SGCD: variants seen among roughly 807,000 people sequenced by gnomAD.
SGCD encodes the protein sarcoglycan delta, also known as delta-sarcoglycan.
Under a neutral mutation model 36.6 loss-of-function variants are expected in SGCD, and 18 were observed. The ratio of observed to expected loss-of-function variants is 0.49; its 90% CI spans 0.34 to 0.73. The LOEUF is 0.73. Ranked by LOEUF, SGCD falls within the 30% of genes least tolerant of loss-of-function variation. SGCD has a pLI of 0.01. For synonymous variants in SGCD, 133 were observed against 130.6 expected (o/e 1.02, Z -0.12); for missense variants, 387 against 346.7 (o/e 1.12, Z -0.92).
chr5:156,096,988 T>C (rs1312787156), intron 1 of SGCD, among the ~76,000 whole-genome samples: 1 of 151,952 alleles, frequency 6.6e-6, no homozygotes, highest in Non-Finnish European at 1.5e-5. Flanking sequence ...TCATAGTTGA[T>C]AGATTTTTTT....
chr5:156,117,701 A>T (rs1761939148), intron 1 of SGCD, among the ~76,000 whole-genome samples: 1 of 152,178 alleles, frequency 6.6e-6, no homozygotes, highest in Non-Finnish European at 1.5e-5. Flanking sequence ...GTTAAATAAC[A>T]TGCCCAAGGA....
At chr5:155,733,075 C>T in the SGCD span, among the ~76,000 whole-genome samples, 25 of 149,780 alleles carry the variant, frequency 1.7e-4, no homozygotes, top group African/African-American at 5.7e-4. Context: ...ACATCAAATG[C>T]TCCTTCGGTG....
chr5:156,360,538 T>C (rs1237635891), intron 3 of SGCD, among the ~76,000 whole-genome samples: 1 of 152,080 alleles, frequency 6.6e-6, no homozygotes, highest in Non-Finnish European at 1.5e-5. Context: ...CTAATTGGTT[T>C]TTTTACACTG....
At chr5:156,758,862 T>G (rs1757437802) in intron 8 of SGCD, among the ~76,000 whole-genome samples, 1 of 152,146 alleles carries the variant, frequency 6.6e-6, no homozygotes. Flanking sequence ...TCTTGAACAC[T>G]CACCTTGCAC....
chr5:156,149,878 G>A (rs1266969805), intron 3 of SGCD, among the ~76,000 whole-genome samples: 1 of 152,172 alleles, frequency 6.6e-6, no homozygotes, highest in Non-Finnish European at 1.5e-5. Flanking sequence ...TGGGCTAACG[G>A]AAATGTACTG....
chr5:156,224,249 C>T (rs1179372523), intron 3 of SGCD, among the ~76,000 whole-genome samples: 1 of 152,000 alleles, frequency 6.6e-6, no homozygotes, highest in African/African-American at 2.4e-5. Flanking sequence ...GTCCTATTCT[C>T]TCAGACCCAG....
intron 7 of SGCD, among the ~76,000 whole-genome samples, chr5:156,718,513 C>T (rs1755328414): frequency 6.6e-6 from 1 of 152,062 alleles, no homozygotes; most frequent in African/African-American, 2.4e-5. Context: ...GGCTCAGTGG[C>T]TCACACCTGT....
chr5:156,238,102 C>T (rs918936731), intron 3 of SGCD, among the ~76,000 whole-genome samples: 1 of 152,020 alleles, frequency 6.6e-6, no homozygotes, highest in South Asian at 2.1e-4. Flanking sequence ...TGCACCACCA[C>T]ACCAGGCTAA....
intron 6 of SGCD, among the ~76,000 whole-genome samples, chr5:156,646,783 A>C (rs762227741): frequency 6.6e-6 from 1 of 152,192 alleles, no homozygotes; most frequent in East Asian, 1.9e-4. Context: ...AAATCAGATA[A>C]TTGCTATCTT....
chr5:156,598,237 T>G (rs1277040046), intron 6 of SGCD, among the ~76,000 whole-genome samples: 1 of 152,180 alleles, frequency 6.6e-6, no homozygotes, highest in Non-Finnish European at 1.5e-5. Flanking sequence ...GACTTCGAGC[T>G]ATCCTCATGT....
At chr5:155,905,069 G>T (rs1301880926) in intron 1 of SGCD, among the ~76,000 whole-genome samples, 1 of 152,152 alleles carries the variant, frequency 6.6e-6, no homozygotes, top group East Asian at 1.9e-4. Flanking sequence ...TTCTTGAAGG[G>T]TTGTTGCCCT....
chr5:156,295,857 T>C (rs1766878856), intron 3 of SGCD, among the ~76,000 whole-genome samples: 1 of 152,126 alleles, frequency 6.6e-6, no homozygotes, highest in African/African-American at 2.4e-5. Context: ...GATGTGTCAG[T>C]CAGGTGACAA....
At chr5:155,729,722 G>C in the SGCD span, among the ~76,000 whole-genome samples, 2 of 152,210 alleles carry the variant, frequency 1.3e-5, no homozygotes, top group Non-Finnish European at 2.9e-5. Context: ...TCTGAACATG[G>C]ATAAGGAAAT....
intron 1 of SGCD, among the ~76,000 whole-genome samples, chr5:155,912,910 C>A (rs867528807): frequency 1.1e-4 from 16 of 152,192 alleles, no homozygotes; most frequent in Middle Eastern, 3.4e-3. Context: ...ACTCTCCTTT[C>A]ATTCTTGGCA....
chr5:156,739,487 T>C (rs569821242), intron 7 of SGCD, among the ~76,000 whole-genome samples: 64 of 152,232 alleles, frequency 4.2e-4, no homozygotes, highest in African/African-American at 1.5e-3. Flanking sequence ...AATGGATATA[T>C]TAAGAGTAAG....
chr5:156,321,287 G>A (rs188453668), intron 3 of SGCD, among the ~76,000 whole-genome samples: 1 of 152,048 alleles, frequency 6.6e-6, no homozygotes, highest in Non-Finnish European at 1.5e-5. Flanking sequence ...AGGCATGGTG[G>A]TGGGCGCCTG....
At chr5:156,556,346 C>CT (rs1561776218) in intron 4 of SGCD, among the ~76,000 whole-genome samples, 1 of 151,990 alleles carries the variant, frequency 6.6e-6, no homozygotes, top group Non-Finnish European at 1.5e-5. Context: ...TTCTAGAAAT[C>CT]TTTTTTGCAA....
intron 7 of SGCD, among the ~76,000 whole-genome samples, chr5:156,671,834 C>T (rs1753307811): frequency 6.6e-6 from 1 of 152,104 alleles, no homozygotes; most frequent in African/African-American, 2.4e-5. Flanking sequence ...TCTTGTGAAG[C>T]CTCAGGAAGC....
chr5:156,657,385 A>T, intron 7 of SGCD, among the ~76,000 whole-genome samples: 1 of 141,788 alleles, frequency 7.1e-6, no homozygotes, highest in African/African-American at 2.6e-5. Context: ...TCCTAATGCT[A>T]TCCCTCCCCC....
Sources: gnomAD v4.1 joint callset for allele counts (sites outside exome capture counted in the v4.1 genomes callset) on GRCh38, gnomAD v4.1.1 for gene constraint, MANE v1.5 for transcripts, NCBI Gene and HGNC (gene_info 2026-07-23, HGNC 2026-07-21) for gene names.